PUDP: variants seen among roughly 807,000 people sequenced by gnomAD.
PUDP encodes the protein pseudouridine 5'-phosphatase, also known as pseudouridine-5'-phosphatase.
A neutral mutation model predicts 9.4 loss-of-function variants in PUDP; 8 were observed. That is an observed-to-expected ratio of 0.85 (90% confidence interval 0.50 to 1.53). PUDP has a LOEUF of 1.53. Ranked by LOEUF, PUDP falls within the 40% of genes most tolerant of loss-of-function variation. The probability of loss-of-function intolerance (pLI) is 0.00; values close to 1 mark genes in which losing one functional copy is unlikely to be tolerated. For missense variants in PUDP, 188 were observed against 189.7 expected (o/e 0.99, Z 0.05); for synonymous variants, 99 against 80.7 (o/e 1.23, Z -1.22).
At chrX:6,914,766 A>G (rs1467704887) in intron 3 of PUDP, among the ~76,000 whole-genome samples, 4 of 112,472 alleles carry the variant, frequency 3.6e-5, no homozygotes, top group Non-Finnish European at 7.5e-5. Context: ...TCACATTATT[A>G]TGGTACCGAA....
chrX:6,922,947 T>C (rs1012862780), intron 3 of PUDP, among the ~76,000 whole-genome samples: 3 of 112,231 alleles, frequency 2.7e-5, no homozygotes, highest in Non-Finnish European at 3.8e-5. Context: ...CTTGAAATAA[T>C]TATCTAAAAT....
intron 2 of PUDP, among the ~76,000 whole-genome samples, chrX:7,104,776 G>A (rs1375919910): frequency 8.9e-6 from 1 of 112,042 alleles, no homozygotes; most frequent in Non-Finnish European, 1.9e-5. Context: ...ATGTGTGTGT[G>A]TGCTGCCCAG....
intron 3 of PUDP, among the ~76,000 whole-genome samples, chrX:6,970,871 T>C (rs935899993): frequency 2.7e-5 from 3 of 109,862 alleles, no homozygotes; most frequent in African/African-American, 9.9e-5. Context: ...AGCCTGATAG[T>C]GAAACCCCGT....
rs932268292 is a variant in PUDP, at chrX:7,053,310, A to C, written c.511-2838T>G. Among the ~76,000 whole-genome samples the C allele has an allele frequency of 6.3e-5, 7 of 111,451 alleles. 1 individual carries two copies. The highest frequency in any genetic ancestry group is 2.3e-4 in the African/African-American group (7 of 30,564). On this transcript the variant is annotated intron_variant, in intron 3 of 3. Transcript: ENST00000381077. ...CAGTAGCTGACTGTGGCTGTTCCCA[A>C]AGAGATAATGGAAGGCACCCAATAC...
At chrX:6,927,942 G>A (rs1026425807) in intron 3 of PUDP, among the ~76,000 whole-genome samples, 1 of 101,720 alleles carries the variant, frequency 9.8e-6, no homozygotes, top group Non-Finnish European at 2.0e-5. Flanking sequence ...ATCATTCTTG[G>A]AAAAGGCAGG....
intron 3 of PUDP, among the ~76,000 whole-genome samples, chrX:6,819,470 G>A (rs2146706224): frequency 8.9e-6 from 1 of 112,477 alleles, no homozygotes; most frequent in South Asian, 3.7e-4. Context: ...TTGGAGATAT[G>A]ACATAGGCTC....
intron 2 of PUDP, among the ~76,000 whole-genome samples, chrX:6,978,103 T>A: frequency 8.9e-6 from 1 of 112,336 alleles, no homozygotes; most frequent in Non-Finnish European, 1.9e-5. Flanking sequence ...ACAGTGTGTG[T>A]AGGATTTGAA....
At chrX:6,930,519 A>T (rs1356479297) in intron 3 of PUDP, among the ~76,000 whole-genome samples, 1 of 111,622 alleles carries the variant, frequency 9.0e-6, no homozygotes, top group Non-Finnish European at 1.9e-5. Flanking sequence ...CATATGGTCT[A>T]AAAGCGGGAG....
At chrX:7,120,342 G>C (rs1158927516) in intron 1 of PUDP, among the ~76,000 whole-genome samples, 1 of 110,331 alleles carries the variant, frequency 9.1e-6, no homozygotes, top group African/African-American at 3.3e-5. Context: ...AGAGAGAGAA[G>C]GTATGAAGAG....
chrX:6,923,760 G>C (rs1928059011), intron 3 of PUDP, among the ~76,000 whole-genome samples: 1 of 111,272 alleles, frequency 9.0e-6, no homozygotes, highest in Non-Finnish European at 1.9e-5. Context: ...AAATGTTAAA[G>C]ACACATCGTG....
At chrX:7,144,777 C>A (rs1470020695) in intron 1 of PUDP, among the ~76,000 whole-genome samples, 1 of 111,802 alleles carries the variant, frequency 8.9e-6, no homozygotes, top group Non-Finnish European at 1.9e-5. Flanking sequence ...GTTCTTATTA[C>A]CCTTCGCAGA....
intron 1 of PUDP, among the ~76,000 whole-genome samples, chrX:7,132,111 T>C (rs1932636342): frequency 9.2e-6 from 1 of 109,202 alleles, no homozygotes; most frequent in Admixed American, 9.7e-5. Flanking sequence ...CTGCCTGCAG[T>C]CCCCTGAAGA....
At chrX:7,101,903 T>G (rs1343273259) in intron 2 of PUDP, among the ~76,000 whole-genome samples, 2 of 111,822 alleles carry the variant, frequency 1.8e-5, no homozygotes, top group African/African-American at 6.5e-5. Context: ...ACAAATTGGA[T>G]AACCTAAAAG....
chrX:6,783,690 A>C (rs1446043478), intron 3 of PUDP, among the ~76,000 whole-genome samples: 2 of 112,264 alleles, frequency 1.8e-5, no homozygotes, highest in Non-Finnish European at 3.8e-5. Flanking sequence ...GTTAGGACTC[A>C]GAAGTGAATT....
rs1182849087 is a variant in PUDP at position 6,888,479 on chromosome X, T to TA, written c.*247+88653dup. 5.9e-4 allele frequency among the ~76,000 whole-genome samples: 60 copies of TA among 100,847 alleles called. 1 individual carries two copies. Among genetic ancestry groups the TA allele is most frequent in the Admixed American group, 1.1e-3 (10 of 9,214 alleles). The allele number at this position is 100,847 out of a possible 115,157, so 87.6% of individuals were successfully genotyped here. On this transcript the variant is annotated intron_variant and NMD_transcript_variant, in intron 3 of 3. Transcript: ENST00000655425. ...CAACATGGTGAAATCCCATCTCTAC[T>TA]AAAAAAAAAAATACAAAAAAATTAG...
chrX:7,012,240 G>C (rs1464711656), intron 1 of PUDP, among the ~76,000 whole-genome samples: 2 of 112,088 alleles, frequency 1.8e-5, no homozygotes, highest in Non-Finnish European at 3.8e-5. Context: ...GACGTGTTTT[G>C]ATGCCAGCCC....
intron 3 of PUDP, among the ~76,000 whole-genome samples, chrX:6,972,555 G>A (rs752068408): frequency 1.5e-4 from 17 of 112,168 alleles, no homozygotes; most frequent in African/African-American, 5.2e-4. Flanking sequence ...CAGGAATGAA[G>A]CCGACTTGAT....
chrX:6,960,880 C>G lies in PUDP; in HGVS notation c.*247+16253G>C, dbSNP rs998868859. On this transcript the variant is annotated intron_variant and NMD_transcript_variant, in intron 3 of 3. Coordinates refer to the PUDP transcript ENST00000655425. Reference sequence around the variant, plus strand: ...TTGCACCATATGATCCATGGAACAGCTGCTCATACCTTGCCACTATGGTGG... The same window carrying G: ...TTGCACCATATGATCCATGGAACAGGTGCTCATACCTTGCCACTATGGTGG... Among the ~76,000 whole-genome samples the G allele has an allele frequency of 2.1e-4, 23 of 111,499 alleles. 1 individual carries two copies. Among genetic ancestry groups the G allele is most frequent in the African/African-American group, 7.5e-4 (23 of 30,713 alleles).
At chrX:6,918,391 T>C (rs1927967548) in intron 3 of PUDP, among the ~76,000 whole-genome samples, 2 of 112,174 alleles carry the variant, frequency 1.8e-5, no homozygotes, top group Admixed American at 9.4e-5. Context: ...ACCCCTACTA[T>C]GTGTAAGCTG....
Sources: gnomAD v4.1 joint callset for allele counts (sites outside exome capture counted in the v4.1 genomes callset) on GRCh38, gnomAD v4.1.1 for gene constraint, MANE v1.5 for transcripts, NCBI Gene and HGNC (gene_info 2026-07-23, HGNC 2026-07-21) for gene names.